The following CHRNG variants were observed in gnomAD, a reference collection of about 807,000 sequenced individuals.
CHRNG encodes the protein cholinergic receptor nicotinic gamma subunit, also known as acetylcholine receptor subunit gamma.
Under a neutral mutation model 65.2 loss-of-function variants are expected in CHRNG, and 72 were observed. The observed-to-expected ratio is 1.10, with a 90% CI of 0.91 to 1.34. The LOEUF (loss-of-function observed/expected upper bound fraction) is 1.34, where lower values mean the gene tolerates loss of function less well. Among genes scored for constraint, CHRNG ranks in the 40% most tolerant of loss-of-function variants. The pLI, the probability that CHRNG is intolerant of heterozygous loss-of-function variation, is 0.00. For missense variants in CHRNG, 637 were observed against 680.1 expected, an observed-to-expected ratio of 0.94 and a Z score of 0.70; for synonymous variants, 284 against 290.2, an observed-to-expected ratio of 0.98 and a Z score of 0.22.
rs746237092 is a variant in CHRNG, at chr2:232,544,902, T to C, written c.1380T>C (p.Asn460=). Reference sequence around the variant, plus strand: ...GGCACCAGCAGAGTCACTTTGACAATGTAAGCTGAGTCAGGGTGGGGTGGA... The same window carrying C: ...GGCACCAGCAGAGTCACTTTGACAACGTAAGCTGAGTCAGGGTGGGGTGGA... ...CARHQQSHFD[N]GNEEWFLVGR... is the part of the protein sequence containing the mutation. The change falls in exon 11 of 12, where the codon AAT becomes AAC. Residue 460 remains asparagine (N), a splice_region_variant and synonymous_variant. Coordinates refer to ENST00000651502, the MANE Select transcript of CHRNG (RefSeq NM_005199.5). 1.9e-6 allele frequency: 3 copies of C among 1,613,668 alleles called. No homozygotes were observed. Among genetic ancestry groups the C allele is most frequent in the South Asian group, 1.1e-5 (1 of 91,070 alleles).
Position 232,544,497 on chromosome 2 carries a change from T to C in CHRNG, c.1166T>C (p.Val389Ala), listed in dbSNP as rs754416840. 1 of 1,613,524 alleles carries C rather than the reference T, an allele frequency of 6.2e-7. No homozygotes were observed. Among genetic ancestry groups the C allele is most frequent in the East Asian group, 2.2e-5 (1 of 44,860 alleles). The change falls in exon 10 of 12, where the codon GTG becomes GCG. Residue 389 changes from valine (V) to alanine (A), a missense_variant. Transcript: ENST00000651502. ...TGGTCGATCACAACTGGGGAGGAGG[T>C]GGCCCTCTGCCTGCCTCGCAGTGAA... ...SGWSITTGEEVALCLPRSELL... is the reference protein window; with the variant it reads ...SGWSITTGEEAALCLPRSELL...
chr2:232,548,051 A>C lies in CHRNG; in HGVS notation c.*2335A>C. 1.7e-6 allele frequency: 1 copy of C among 571,550 alleles called. No individual in the cohort carries two copies. The highest frequency in any genetic ancestry group is 3.1e-6 in the Non-Finnish European group (1 of 327,604). 35.4% of individuals were successfully genotyped at this position (571,550 alleles called of 1,614,324 possible). A position where few individuals can be genotyped will look rare whatever the true frequency, so the allele number is the denominator to read the frequency against. ...CAAGAGTGCAATAGCATTGTCTAAT[A>C]AAACAATATACATACCTAAATTTAA... On this transcript the variant is annotated 3_prime_UTR_variant, in exon 12 of 12. Transcript: ENST00000651502.
Position 232,540,793 on chromosome 2 carries a change from G to A in CHRNG, c.350+82G>A, listed in dbSNP as rs1457819301. Reference sequence around the variant, plus strand: ...AGCAGAACAAGGCACTCTGGGAAAAGAGAAAGATGAGCAGAGGGTGCAAAT... The same window carrying A: ...AGCAGAACAAGGCACTCTGGGAAAAAAGAAAGATGAGCAGAGGGTGCAAAT... On this transcript the variant is annotated intron_variant, in intron 4 of 11. Coordinates refer to ENST00000651502, the MANE Select transcript of CHRNG (RefSeq NM_005199.5). This position sits in a 1 kb window ranked among gnomAD's most constrained non-coding sequence, Gnocchi z 4.2. The A allele has an allele frequency of 1.6e-6, 2 of 1,263,986 alleles. No individual in the cohort carries two copies. The highest frequency in any genetic ancestry group is 2.2e-6 in the Non-Finnish European group (2 of 894,034). 78.3% of individuals were successfully genotyped at this position (1,263,986 alleles called of 1,614,324 possible).
In CHRNG at chr2:232,544,936, G is replaced by C. The variant is rs1467031020; in HGVS notation, c.1380+34G>C. On this transcript the variant is annotated intron_variant, in intron 11 of 11. Transcript: ENST00000651502. ...AGTCAGGGTGGGGTGGAGGTGGAGT[G>C]AGTACCTGGGCTTGGAACCGTGATA... 2.5e-6 allele frequency: 4 copies of C among 1,613,200 alleles called. No homozygotes were observed. In the African/African-American group the frequency reaches 5.3e-5, roughly 22 times the overall value.
intron 9 of CHRNG, 39 bp downstream of exon 9, chr2:232,543,738 C>T: frequency 8.1e-7 from 1 of 1,235,028 alleles, no homozygotes; most frequent in Non-Finnish European, 1.2e-6. Context: ...TCCCGCTGCC[C>T]ACTCCCCTAC....
In CHRNG at chr2:232,545,607, C is replaced by T. The variant is rs750474176; in HGVS notation, c.1445C>T (p.Ser482Leu). Residue 482 changes from serine (S) to leucine (L), a missense_variant, in exon 12 of 12, where the codon TCG (serine) becomes TTG (leucine). By Grantham distance (145) the Ser-to-Leu change is moderately radical (BLOSUM62 -2). Transcript: ENST00000651502. ...CGCGTCTGCTTCCTGGCCATGCTCT[C>T]GCTCTTCATCTGTGGCACAGCTGGC... is the stretch of plus-strand genomic sequence containing the variant. ...LDRVCFLAML[S>L]LFICGTAGIF... The T allele has an allele frequency of 1.7e-5, 28 of 1,613,998 alleles. No homozygotes were observed. Among genetic ancestry groups the T allele is most frequent in the Admixed American group, 3.3e-5 (2 of 60,006 alleles).
chr2:232,545,657 CG>C lies in CHRNG; in HGVS notation c.1498del (p.Val500CysfsTer36), dbSNP rs891397971. 1 of 1,614,080 alleles carries C rather than the reference CG, an allele frequency of 6.2e-7. No individual in the cohort carries two copies. Among genetic ancestry groups the C allele is most frequent in the African/African-American group, 1.3e-5 (1 of 74,954 alleles). ...AGIFLMAHYN[R>X]VPALPFPGDP... Reference sequence around the variant, plus strand: ...CATCTTCCTCATGGCCCACTACAACCGGGTGCCGGCCCTGCCATTCCCTGGA... The same window carrying C: ...CATCTTCCTCATGGCCCACTACAACCGGTGCCGGCCCTGCCATTCCCTGGA... On this transcript the variant is annotated frameshift_variant, in exon 12 of 12. Coordinates refer to ENST00000651502, the MANE Select transcript of CHRNG (RefSeq NM_005199.5). LOFTEE classifies it high-confidence loss of function.
rs746019142 is a variant in CHRNG, at chr2:232,541,428, C to T, written c.405C>T (p.Asp135=). 85 of 1,614,022 alleles carry T rather than the reference C, an allele frequency of 5.3e-5. No homozygotes were observed. The highest frequency in any genetic ancestry group is 3.3e-4 in the Admixed American group (20 of 60,002). ...ACTGCAATGTGCTCGTGTCCCCTGA[C>T]GGCTGTATCTACTGGCTGCCGCCTG... ...ALYCNVLVSP[D]GCIYWLPPAI... Residue 135 remains aspartate, a synonymous_variant, in exon 5 of 12, where the codon GAC becomes GAT. Transcript: ENST00000651502. This position sits in a 1 kb window ranked among gnomAD's most constrained non-coding sequence, Gnocchi z 4.0.
rs1386658375 is a variant in CHRNG at position 232,544,401 on chromosome 2, T to C, written c.1070T>C (p.Met357Thr). 4 of 1,613,474 alleles carry C rather than the reference T, an allele frequency of 2.5e-6. No homozygotes were observed. ...AGGCTCTTGCCCCAGCTGCTGAGGATGCACGTTCGCCCGCTGGCCCCGGCA... is the reference window on the plus strand; with the variant it reads ...AGGCTCTTGCCCCAGCTGCTGAGGACGCACGTTCGCCCGCTGGCCCCGGCA... The part of the protein sequence containing the change: ...FLRLLPQLLR[M>T]HVRPLAPAAV... Residue 357 changes from methionine (M) to threonine (T), a missense_variant, in exon 10 of 12, where the codon ATG becomes ACG. Coordinates refer to ENST00000651502, the MANE Select transcript of CHRNG (RefSeq NM_005199.5).
intron 1 of CHRNG, 66 bp from the exon 2 acceptor site, chr2:232,539,926 A>T: frequency 6.2e-7 from 1 of 1,611,132 alleles, no homozygotes; most frequent in South Asian, 1.1e-5. Flanking sequence ...CCCACTTCAC[A>T]CCCCCAGGGC....
rs776739154 is a variant in CHRNG, at chr2:232,544,458, A to G, written c.1127A>G (p.Asn376Ser). The G allele has an allele frequency of 4.3e-6, 7 of 1,613,736 alleles. No individual in the cohort carries two copies. In the East Asian group the frequency reaches 1.6e-4, roughly 36 times the overall value. The change falls in exon 10 of 12, where the codon AAT (asparagine) becomes AGT (serine). Residue 376 changes from asparagine (N) to serine (S), a missense_variant. Coordinates refer to ENST00000651502, the MANE Select transcript of CHRNG (RefSeq NM_005199.5). ...AVQDTQSRLQ[N>S]GSSGWSITTG... ...CAGGACACCCAGTCCCGGCTACAGA[A>G]TGGCTCCTCGGGATGGTCGATCACA... is the stretch of plus-strand genomic sequence containing the variant.
At chr2:232,545,366 G>C (rs1194167098) in intron 11 of CHRNG, among the ~76,000 whole-genome samples, 177 bp from the exon 12 acceptor site, 1 of 152,098 alleles carries the variant, frequency 6.6e-6, no homozygotes, top group Non-Finnish European at 1.5e-5. Flanking sequence ...CAGGGGCAGG[G>C]GGGGCACCTC....
At chr2:232,543,488 C>CCT in intron 8 of CHRNG, 97 bp from the exon 9 acceptor site, 1 of 1,179,660 alleles carries the variant, frequency 8.5e-7, no homozygotes, top group South Asian at 1.3e-5. Flanking sequence ...CCACCCCCCC[C>CCT]ATCCTCAATT....
At position 232,545,416 on chromosome 2, in the gene CHRNG, C is replaced by T. The variant is rs114307143; in HGVS notation, c.1381-127C>T. On this transcript the variant is annotated intron_variant, in intron 11 of 11. Transcript: ENST00000651502. ...ATGGAATTAGCCACCAGTTGGGACCCGGACATAGGTAAGAAGGGCCCCAGG... is the reference window on the plus strand; with the variant it reads ...ATGGAATTAGCCACCAGTTGGGACCTGGACATAGGTAAGAAGGGCCCCAGG... 1.0e-3 allele frequency: 892 copies of T among 885,020 alleles called. 2 individuals are homozygous for T. In the African/African-American group the frequency reaches 0.012, roughly 12 times the overall value. The allele number at this position is 885,020 out of a possible 1,614,324, so 54.8% of individuals were successfully genotyped here.
chr2:232,542,774 T>C (rs1012323697), intron 6 of CHRNG, 108 bp from the exon 7 acceptor site: 1 of 976,352 alleles, frequency 1.0e-6, no homozygotes, highest in Admixed American at 2.0e-5. Flanking sequence ...CCTCCCCTGC[T>C]GGTGCTCCTT....
Position 232,547,921 on chromosome 2 carries a change from A to G in CHRNG, c.*2205A>G. On this transcript the variant is annotated 3_prime_UTR_variant, in exon 12 of 12. Transcript: ENST00000651502. ...AGGTAGGTCGAGGCATACCTCAAAGACATTGCAGGTTCAGTTCCAGACCAA... is the reference window on the plus strand; with the variant it reads ...AGGTAGGTCGAGGCATACCTCAAAGGCATTGCAGGTTCAGTTCCAGACCAA... 2.3e-6 allele frequency: 1 copy of G among 441,314 alleles called. No homozygotes were observed. 27.3% of individuals were successfully genotyped at this position (441,314 alleles called of 1,614,324 possible). A position where few individuals can be genotyped will look rare whatever the true frequency, so the allele number is the denominator to read the frequency against.
chr2:232,544,550 G>A lies in CHRNG; in HGVS notation c.1219G>A (p.Gly407Arg). 1 of 1,613,684 alleles carries A rather than the reference G, an allele frequency of 6.2e-7. No homozygotes were observed. The highest frequency in any genetic ancestry group is 8.5e-7 in the Non-Finnish European group (1 of 1,179,906). ...CCTCTTCCAGCAGTGGCAGCGGCAAGGGCTGGTGGCGGCAGCGCTGGAGAA... is the reference window on the plus strand; with the variant it reads ...CCTCTTCCAGCAGTGGCAGCGGCAAAGGCTGGTGGCGGCAGCGCTGGAGAA... ...ELLFQQWQRQ[G>R]LVAAALEKLE... The change falls in exon 10 of 12, where the codon GGG becomes AGG. Residue 407 changes from glycine (G) to arginine (R), a missense_variant. Physicochemically the swap from Gly to Arg is moderately radical, Grantham distance 125 (BLOSUM62 -2). Coordinates refer to ENST00000651502, the MANE Select transcript of CHRNG (RefSeq NM_005199.5).
At position 232,543,044 on chromosome 2, in the gene CHRNG, CCT is replaced by C; in HGVS notation, c.770_771del (p.Ser257CysfsTer40). 1 of 1,614,256 alleles carries C rather than the reference CCT, an allele frequency of 6.2e-7. No homozygotes were observed. The highest frequency in any genetic ancestry group is 8.5e-7 in the Non-Finnish European group (1 of 1,180,046). Reference sequence around the variant, plus strand: ...ATCATCGCCCCCTGTGTGCTCATCTCCTCTGTCGCCATCCTCATCCACTTCCT... The same window carrying C: ...ATCATCGCCCCCTGTGTGCTCATCTCCTGTCGCCATCCTCATCCACTTCCT... On this transcript the variant is annotated frameshift_variant, in exon 7 of 12. Transcript: ENST00000651502. LOFTEE classifies it high-confidence loss of function.
rs1212871342 is a variant in CHRNG, at chr2:232,544,581, G to C, written c.1249+1G>C. 6.2e-7 allele frequency: 1 copy of C among 1,611,860 alleles called. No individual in the cohort carries two copies. The highest frequency in any genetic ancestry group is 1.1e-5 in the South Asian group (1 of 91,046). On this transcript the variant is annotated splice_donor_variant, in intron 10 of 11. Coordinates refer to ENST00000651502, the MANE Select transcript of CHRNG (RefSeq NM_005199.5). LOFTEE classifies it high-confidence loss of function. ...GTGGCGGCAGCGCTGGAGAAGCTAG[G>C]TGAGACACACCAGGTGTGCCTGGGG...
Sources: allele counts gnomAD v4.1 joint callset (sites outside exome capture counted in the v4.1 genomes callset), GRCh38; gene constraint gnomAD v4.1.1; non-coding constraint Gnocchi (gnomAD v3.1); transcripts MANE v1.5; gene names NCBI Gene and HGNC (gene_info 2026-07-23, HGNC 2026-07-21).